CSGALNACT2: variants seen among roughly 807,000 people sequenced by gnomAD.
CSGALNACT2 encodes the protein beta 4 GalNAcT-2.
Under a neutral mutation model 55.3 loss-of-function variants are expected in CSGALNACT2, and 35 were observed. That is an observed-to-expected ratio of 0.63 (90% CI 0.48 to 0.84). The LOEUF (loss-of-function observed/expected upper bound fraction) is 0.84. Ranked by LOEUF, CSGALNACT2 falls within the 40% of genes least tolerant of loss-of-function variation. CSGALNACT2 has a pLI of 0.00. For missense variants in CSGALNACT2, 544 were observed against 657.5 expected (o/e 0.83, Z 1.89); for synonymous variants, 196 against 224.9 (o/e 0.87, Z 1.15).
In CSGALNACT2 at chr10:43,183,324, C is replaced by T. The variant is rs769979156; in HGVS notation, c.1411C>T (p.Leu471Phe). 8 of 1,613,702 alleles carry T rather than the reference C, an allele frequency of 5.0e-6. No homozygotes were observed. The highest frequency in any genetic ancestry group is 6.8e-6 in the Non-Finnish European group (8 of 1,179,826). ...TTATCGAAAATACTTACATGGTGAC[C>T]TCATTGTGATTCGGACTCCGGTTCC... The part of the protein sequence containing the change: ...HLYRKYLHGD[L>F]IVIRTPVPGL... The change falls in exon 8 of 8, where the codon CTC (leucine) becomes TTC (phenylalanine). Residue 471 changes from leucine to phenylalanine, a missense_variant. Transcript: ENST00000374466.
intron 6 of CSGALNACT2, among the ~76,000 whole-genome samples, chr10:43,170,887 A>G (rs1470169313): frequency 6.6e-6 from 1 of 152,226 alleles, no homozygotes; most frequent in Non-Finnish European, 1.5e-5. Flanking sequence ...AGCTGCAGCA[A>G]GCCCACATTG....
chr10:43,166,910 T>C, intron 5 of CSGALNACT2, 94 bp from the exon 6 acceptor site: 1 of 656,656 alleles, frequency 1.5e-6, no homozygotes, highest in South Asian at 2.0e-5. Flanking sequence ...AAATCATGTA[T>C]AATAAGACTT....
At chr10:43,139,468 T>C (rs1253918134) in intron 1 of CSGALNACT2, among the ~76,000 whole-genome samples, 1 of 152,236 alleles carries the variant, frequency 6.6e-6, no homozygotes, top group African/African-American at 2.4e-5. Context: ...TCCAACCAGT[T>C]TAGAAGCTGC....
chr10:43,160,622 G>A lies in CSGALNACT2; in HGVS notation c.980+27G>A, dbSNP rs555386421. 4.3e-4 allele frequency: 397 copies of A among 929,920 alleles called. 2 individuals are homozygous for A. In the South Asian group the frequency reaches 5.0e-3, roughly 12 times the overall value. 57.6% of individuals were successfully genotyped at this position (929,920 alleles called of 1,614,324 possible). A position where few individuals can be genotyped will look rare whatever the true frequency, so the allele number is the denominator to read the frequency against. ...TTGGTGAACCACATCTGCAGTGAAG[G>A]CCTTGATATATAACATTGCTAAAAG... On this transcript the variant is annotated intron_variant, in intron 4 of 7. Transcript: ENST00000374466.
At chr10:43,180,696 G>A (rs748950891) in intron 7 of CSGALNACT2, among the ~76,000 whole-genome samples, 6 of 152,282 alleles carry the variant, frequency 3.9e-5, no homozygotes, top group East Asian at 1.9e-4. Context: ...GATATACTGC[G>A]TAAAAGGAAC....
chr10:43,163,496 T>C (rs1413078813), intron 4 of CSGALNACT2: 1 of 985,038 alleles, frequency 1.0e-6, no homozygotes, highest in African/African-American at 1.7e-5. Context: ...ACCTAACGGA[T>C]GCAAGAGGAG....
rs986837419 is a variant in CSGALNACT2 at position 43,185,245 on chromosome 10, T to C, written c.*1703T>C. 2 of 152,262 alleles carry C rather than the reference T, an allele frequency of 1.3e-5. No homozygotes were observed. The highest frequency in any genetic ancestry group is 2.9e-5 in the Non-Finnish European group (2 of 68,040). The allele number at this position is 152,262 out of a possible 1,614,324, so 9.4% of individuals were successfully genotyped here. On this transcript the variant is annotated 3_prime_UTR_variant, in exon 8 of 8. Transcript: ENST00000374466. ...TGGAAGCTAAGCAATGGAAATGCTA[T>C]ACGTTTTTGACATTTATTAAATGGT... is the stretch of plus-strand genomic sequence containing the variant.
chr10:43,156,534 G>A (rs1588899073), intron 2 of CSGALNACT2, among the ~76,000 whole-genome samples: 1 of 152,212 alleles, frequency 6.6e-6, no homozygotes, highest in Admixed American at 6.5e-5. Context: ...TTTCTTGAAA[G>A]TTCTCTTTGC....
intron 7 of CSGALNACT2, among the ~76,000 whole-genome samples, chr10:43,177,989 G>T (rs906553095): frequency 1.3e-5 from 2 of 152,166 alleles, no homozygotes; most frequent in East Asian, 3.8e-4. Context: ...TTGTGACTCT[G>T]ATTATAATTT....
chr10:43,162,261 A>G (rs780042770), intron 4 of CSGALNACT2: 23 of 545,050 alleles, frequency 4.2e-5, no homozygotes, highest in Non-Finnish European at 6.0e-5. Flanking sequence ...ACATCTTCTC[A>G]GCTTTGCCAT....
intron 1 of CSGALNACT2, among the ~76,000 whole-genome samples, chr10:43,152,411 A>G (rs1188395149): frequency 1.8e-5 from 1 of 56,962 alleles, no homozygotes; most frequent in Non-Finnish European, 3.6e-5. Flanking sequence ...TAATAACCAC[A>G]GAATTATGCA....
chr10:43,173,629 G>T (rs1839423382), intron 6 of CSGALNACT2, among the ~76,000 whole-genome samples: 1 of 152,268 alleles, frequency 6.6e-6, no homozygotes, highest in African/African-American at 2.4e-5. Context: ...AATTGGCATG[G>T]TGTAGAGATG....
rs79448103 is a variant in CSGALNACT2, at chr10:43,145,939, T to C, written c.-254+7372T>C. On this transcript the variant is annotated intron_variant, in intron 1 of 7. Transcript: ENST00000374466. ...ATCTAGGAATGGAATGGCTGGATCA[T>C]ATGAGTAGGCTTACTCACTTATTAA... Among the ~76,000 whole-genome samples, 597 of 152,320 alleles carry C rather than the reference T, an allele frequency of 3.9e-3. 8 individuals are homozygous for C. Among genetic ancestry groups the C allele is most frequent in the Admixed American group, 0.027 (408 of 15,306 alleles).
chr10:43,147,262 A>G (rs1838777579), intron 1 of CSGALNACT2, among the ~76,000 whole-genome samples: 1 of 152,100 alleles, frequency 6.6e-6, no homozygotes, highest in Admixed American at 6.5e-5. Context: ...GGCGTGAGCC[A>G]CCGCGCCCGG....
chr10:43,180,617 G>A (rs1052231996), intron 7 of CSGALNACT2, among the ~76,000 whole-genome samples: 1 of 152,140 alleles, frequency 6.6e-6, no homozygotes. Context: ...TACATGCTCT[G>A]TCTGTTCATA....
chr10:43,162,955 A>G, intron 4 of CSGALNACT2: 3 of 985,074 alleles, frequency 3.0e-6, no homozygotes, highest in Non-Finnish European at 3.6e-6. Context: ...CATGGGAGGT[A>G]CTCTTCACTC....
chr10:43,162,927 C>G, intron 4 of CSGALNACT2: 1 of 985,394 alleles, frequency 1.0e-6, no homozygotes, highest in Non-Finnish European at 1.2e-6. Context: ...AGGATACTGA[C>G]CAATTTCTTT....
In CSGALNACT2 at chr10:43,184,834, A is replaced by G. The variant is rs921331913; in HGVS notation, c.*1292A>G. 4 of 152,212 alleles carry G rather than the reference A, an allele frequency of 2.6e-5. No homozygotes were observed. The highest frequency in any genetic ancestry group is 7.2e-5 in the African/African-American group (3 of 41,468). The allele number at this position is 152,212 out of a possible 1,614,324, so 9.4% of individuals were successfully genotyped here. A position where few individuals can be genotyped will look rare whatever the true frequency, so the allele number is the denominator to read the frequency against. On this transcript the variant is annotated 3_prime_UTR_variant, in exon 8 of 8. Transcript: ENST00000374466. ...ACCCTTTTAAAAGAGACCTATGTTGAAAACCCCTGAAAATTCACTGAAGAA... is the reference window on the plus strand; with the variant it reads ...ACCCTTTTAAAAGAGACCTATGTTGGAAACCCCTGAAAATTCACTGAAGAA...
At chr10:43,169,831 T>C (rs967152510) in intron 6 of CSGALNACT2, among the ~76,000 whole-genome samples, 1 of 152,240 alleles carries the variant, frequency 6.6e-6, no homozygotes, top group African/African-American at 2.4e-5. Context: ...AGATTGGCAT[T>C]CGTCTTCTTT....
Sources: allele counts gnomAD v4.1 joint callset (sites outside exome capture counted in the v4.1 genomes callset), GRCh38; gene constraint gnomAD v4.1.1; transcripts MANE v1.5; gene names NCBI Gene and HGNC (gene_info 2026-07-23, HGNC 2026-07-21).